Variants in FHIT observed in about 807,000 individuals in gnomAD.
FHIT encodes the protein bis(5'-adenosyl)-triphosphatase.
In FHIT, 19 loss-of-function variants were observed where a neutral mutation model predicts 17.9. The observed-to-expected ratio is 1.06, with a 90% CI of 0.74 to 1.56. FHIT has a LOEUF of 1.56. FHIT is among the 40% of genes most tolerant of loss of function. The pLI is 0.00. For missense variants in FHIT, 248 were observed against 189.2 expected (o/e 1.31, Z -1.82); for synonymous variants, 81 against 69.7 (o/e 1.16, Z -0.81).
At chr3:60,400,837 CAA>C in intron 5 of FHIT, among the ~76,000 whole-genome samples, 1 of 152,064 alleles carries the variant, frequency 6.6e-6, no homozygotes, top group East Asian at 1.9e-4. Context: ...AGTCTAAATT[CAA>C]AGTCTCTAAA....
At chr3:60,279,712 A>G (rs938501713) in intron 5 of FHIT, among the ~76,000 whole-genome samples, 1 of 152,196 alleles carries the variant, frequency 6.6e-6, no homozygotes, top group Admixed American at 6.5e-5. Flanking sequence ...AAAAGTTATT[A>G]TATACTACAA....
intron 8 of FHIT, among the ~76,000 whole-genome samples, chr3:59,920,939 G>A (rs1705370163): frequency 6.6e-6 from 1 of 152,116 alleles, no homozygotes; most frequent in Non-Finnish European, 1.5e-5. Flanking sequence ...AGTCTCCTGG[G>A]GATTTCCTTA....
intron 4 of FHIT, among the ~76,000 whole-genome samples, chr3:60,568,355 G>A (rs1024188075): frequency 6.6e-6 from 1 of 151,826 alleles, no homozygotes; most frequent in Non-Finnish European, 1.5e-5. Flanking sequence ...ACTATCACAA[G>A]GACAAAAAAC....
chr3:60,779,096 G>A (rs1477691542), intron 4 of FHIT, among the ~76,000 whole-genome samples: 1 of 152,112 alleles, frequency 6.6e-6, no homozygotes, highest in African/African-American at 2.4e-5. Context: ...AATCCAAAAA[G>A]CCTATGTAGA....
At position 61,146,959 on chromosome 3, in the gene FHIT, T is replaced by C. The variant is rs147711962; in HGVS notation, c.-164+53658A>G. Reference sequence around the variant, plus strand: ...ATTTATCCAAATGCCTCATGGGTGATATCTTTATGTACATTCCTCTGTAGC... The same window carrying C: ...ATTTATCCAAATGCCTCATGGGTGACATCTTTATGTACATTCCTCTGTAGC... On this transcript the variant is annotated intron_variant, in intron 2 of 9. Coordinates refer to ENST00000492590, the MANE Select transcript of FHIT (RefSeq NM_002012.4). 4.5e-3 allele frequency among the ~76,000 whole-genome samples: 682 copies of C among 152,170 alleles called. 8 individuals carry two copies. The highest frequency in any genetic ancestry group is 0.016 in the African/African-American group (653 of 41,574).
At chr3:60,146,964 A>C (rs780582857) in intron 5 of FHIT, among the ~76,000 whole-genome samples, 6 of 152,186 alleles carry the variant, frequency 3.9e-5, no homozygotes, top group Non-Finnish European at 8.8e-5. Context: ...TTGCTGCATA[A>C]ATTTATTAAT....
At chr3:59,803,110 C>A (rs890943709) in intron 8 of FHIT, among the ~76,000 whole-genome samples, 14 of 152,144 alleles carry the variant, frequency 9.2e-5, no homozygotes, top group African/African-American at 2.9e-4. Flanking sequence ...TCATTTTAAT[C>A]CTGAAACCTG....
At chr3:60,157,309 G>T (rs1457358737) in intron 5 of FHIT, among the ~76,000 whole-genome samples, 1 of 152,102 alleles carries the variant, frequency 6.6e-6, no homozygotes, top group African/African-American at 2.4e-5. Context: ...CACATCAAGA[G>T]CTTTTTTTAA....
At chr3:60,328,482 C>G (rs1382966195) in intron 5 of FHIT, among the ~76,000 whole-genome samples, 1 of 152,102 alleles carries the variant, frequency 6.6e-6, no homozygotes, top group Non-Finnish European at 1.5e-5. Context: ...GGGAACTGCC[C>G]TTTATAAAAC....
intron 5 of FHIT, among the ~76,000 whole-genome samples, chr3:60,304,578 T>A (rs896879965): frequency 4.6e-5 from 7 of 152,130 alleles, no homozygotes; most frequent in African/African-American, 1.4e-4. Flanking sequence ...TCTTTTATCA[T>A]CATAAAATAG....
intron 8 of FHIT, among the ~76,000 whole-genome samples, chr3:59,781,719 TTTGCTGGGTA>T (rs1348336211): frequency 6.6e-6 from 1 of 152,230 alleles, no homozygotes; most frequent in Non-Finnish European, 1.5e-5. Context: ...CCTGGATGCA[TTTGCTGGGTA>T]TTGAAACCAC....
At chr3:61,018,402 T>C (rs1444595861) in intron 3 of FHIT, among the ~76,000 whole-genome samples, 1 of 152,220 alleles carries the variant, frequency 6.6e-6, no homozygotes, top group Non-Finnish European at 1.5e-5. Context: ...TTAAGTGTCA[T>C]GCACATTACC....
chr3:60,236,856 A>G (rs915113199), intron 5 of FHIT, among the ~76,000 whole-genome samples: 1 of 152,154 alleles, frequency 6.6e-6, no homozygotes, highest in African/African-American at 2.4e-5. Flanking sequence ...ATCTTTTTCT[A>G]TGCATTTAGC....
rs530163270 is a variant in FHIT at position 60,378,387 on chromosome 3, A to T, written c.103+158473T>A. Among the ~76,000 whole-genome samples, 5 of 152,326 alleles carry T rather than the reference A, an allele frequency of 3.3e-5. No individual in the cohort carries two copies. In the East Asian group the frequency reaches 9.7e-4, roughly 29 times the overall value. On this transcript the variant is annotated intron_variant, in intron 5 of 9. Coordinates refer to ENST00000492590, the MANE Select transcript of FHIT (RefSeq NM_002012.4). The stretch of plus-strand genomic sequence containing the variant: ...ACGTTTGCCTAAATTTTCTTCAGGT[A>T]TGTTCCTGGTTTTTCAGGAGGCACT...
In FHIT at chr3:60,545,508, C is replaced by T. The variant is rs191644886; in HGVS notation, c.-17-8529G>A. Among the ~76,000 whole-genome samples the T allele has an allele frequency of 3.1e-3, 467 of 152,256 alleles. 3 individuals are homozygous for T. The highest frequency in any genetic ancestry group is 8.5e-3 in the Admixed American group (130 of 15,294). On this transcript the variant is annotated intron_variant, in intron 4 of 9. Coordinates refer to ENST00000492590, the MANE Select transcript of FHIT (RefSeq NM_002012.4). Reference sequence around the variant, plus strand: ...TTGGGTAACAAAAGCTATATATTGCCGTGAAAGTATTCCATTAGCTCTATC... The same window carrying T: ...TTGGGTAACAAAAGCTATATATTGCTGTGAAAGTATTCCATTAGCTCTATC...
chr3:60,053,408 A>T (rs1257861307), intron 5 of FHIT, among the ~76,000 whole-genome samples: 1 of 148,992 alleles, frequency 6.7e-6, no homozygotes, highest in Non-Finnish European at 1.5e-5. Flanking sequence ...CGAGATACTC[A>T]ACAAATTTTT....
chr3:59,844,012 C>A (rs1050661197), intron 8 of FHIT, among the ~76,000 whole-genome samples: 12 of 152,150 alleles, frequency 7.9e-5, no homozygotes, highest in African/African-American at 2.9e-4. Context: ...GAACCTCCCA[C>A]ACCCTCCTTC....
intron 3 of FHIT, among the ~76,000 whole-genome samples, chr3:60,988,616 T>A (rs1216813004): frequency 6.6e-6 from 1 of 152,088 alleles, no homozygotes; most frequent in Non-Finnish European, 1.5e-5. Context: ...GGGGAAAGAA[T>A]CTTCCAGCAT....
chr3:60,359,922 A>C (rs1218345791), intron 5 of FHIT, among the ~76,000 whole-genome samples: 1 of 151,976 alleles, frequency 6.6e-6, no homozygotes, highest in Non-Finnish European at 1.5e-5. Context: ...AAAAGCAATT[A>C]GCAGAGAGCA....
Sources: gnomAD v4.1 joint callset for allele counts (sites outside exome capture counted in the v4.1 genomes callset) on GRCh38, gnomAD v4.1.1 for gene constraint, MANE v1.5 for transcripts, NCBI Gene and HGNC (gene_info 2026-07-23, HGNC 2026-07-21) for gene names.